Variants in CPEB2 observed in about 807,000 individuals in gnomAD.
The protein encoded by CPEB2 is cytoplasmic polyadenylation element binding protein 2.
In CPEB2, 56 loss-of-function variants were observed where a neutral mutation model predicts 93.6. The ratio of observed to expected loss-of-function variants is 0.60; its 90% CI spans 0.48 to 0.75. The LOEUF is 0.75. CPEB2 is among the 30% of genes least tolerant of loss of function. The pLI is 0.00. For synonymous variants in CPEB2, 764 were observed against 586.3 expected, an observed-to-expected ratio of 1.30 and a Z score of -4.38; for missense variants, 1,579 against 1,395.1, an observed-to-expected ratio of 1.13 and a Z score of -2.10.
chr4:15,040,548 G>A (rs1221954683), intron 6 of CPEB2, 61 bp downstream of exon 6: 1 of 1,382,688 alleles, frequency 7.2e-7, no homozygotes, highest in Non-Finnish European at 9.8e-7. Flanking sequence ...GATCAATGTT[G>A]TAATTAATTA....
intron 3 of CPEB2, among the ~76,000 whole-genome samples, chr4:15,016,395 T>G (rs1034651508): frequency 1.3e-5 from 2 of 151,796 alleles, no homozygotes; most frequent in African/African-American, 4.8e-5. Flanking sequence ...CATTAAAGAG[T>G]CAGATTCTTT....
chr4:15,031,145 C>T (rs1726050975), intron 4 of CPEB2, among the ~76,000 whole-genome samples: 1 of 152,004 alleles, frequency 6.6e-6, no homozygotes, highest in African/African-American at 2.4e-5. Context: ...TGTCTATCTC[C>T]CCTACCACAT....
At chr4:15,049,093 T>C (rs1001200614) in intron 6 of CPEB2, among the ~76,000 whole-genome samples, 4 of 152,096 alleles carry the variant, frequency 2.6e-5, no homozygotes, top group African/African-American at 4.8e-5. Flanking sequence ...CTTAAACTTT[T>C]CGTTACATTC....
At chr4:15,032,158 C>G (rs1038207762) in intron 4 of CPEB2, among the ~76,000 whole-genome samples, 3 of 152,136 alleles carry the variant, frequency 2.0e-5, no homozygotes, top group Non-Finnish European at 4.4e-5. Context: ...AGTGCATTGG[C>G]ACAGTCATAG....
Position 15,045,904 on chromosome 4 carries a change from G to A in CPEB2, c.2200+5417G>A, listed in dbSNP as rs138088678. Among the ~76,000 whole-genome samples, 9 of 152,194 alleles carry A rather than the reference G, an allele frequency of 5.9e-5. No individual in the cohort carries two copies. The East Asian group carries it at 1.7e-3, about 29-fold the overall frequency. On this transcript the variant is annotated intron_variant, in intron 6 of 11. Coordinates refer to ENST00000538197, the MANE Select transcript of CPEB2 (RefSeq NM_001177382.2). ...AGAGAAATGATTAGCTTTTTGTACG[G>A]AAATTGTATAGAAAGGAAATTACAA... is the stretch of plus-strand genomic sequence containing the variant.
rs116759549 is a variant in CPEB2 at position 15,063,352 on chromosome 4, C to G, written c.2877+1092C>G. ...AGGTTTTTTTTGTTTGTTTGCATTG[C>G]TACTTAAAAGGTTGCCAAAAAAAAA... On this transcript the variant is annotated intron_variant, in intron 11 of 11. Coordinates refer to ENST00000538197, the MANE Select transcript of CPEB2 (RefSeq NM_001177382.2). 6.9e-3 allele frequency among the ~76,000 whole-genome samples: 1,002 copies of G among 145,304 alleles called. 12 individuals carry two copies. Among genetic ancestry groups the G allele is most frequent in the African/African-American group, 0.026 (944 of 36,752 alleles).
chr4:15,065,854 A>G (rs1351196738), intron 11 of CPEB2, among the ~76,000 whole-genome samples: 1 of 152,054 alleles, frequency 6.6e-6, no homozygotes, highest in Non-Finnish European at 1.5e-5. Context: ...TTCCATGACT[A>G]CTTGATATCT....
chr4:15,017,532 T>A, intron 4 of CPEB2: 1 of 278,448 alleles, frequency 3.6e-6, no homozygotes, highest in Non-Finnish European at 6.7e-6. Context: ...CACCAGAGAA[T>A]GAAGGATGGA....
intron 3 of CPEB2, among the ~76,000 whole-genome samples, chr4:15,009,716 T>C (rs1266668306): frequency 6.6e-6 from 1 of 152,062 alleles, no homozygotes; most frequent in Admixed American, 6.6e-5. Flanking sequence ...AGGATACATA[T>C]ATAGGAGAAA....
Position 15,003,759 on chromosome 4 carries a change from A to G in CPEB2, c.1086A>G (p.Pro362=). 9.1e-7 allele frequency: 1 copy of G among 1,101,906 alleles called. No homozygotes were observed. The allele number at this position is 1,101,906 out of a possible 1,614,324, so 68.3% of individuals were successfully genotyped here. A position where few individuals can be genotyped will look rare whatever the true frequency, so the allele number is the denominator to read the frequency against. Reference sequence around the variant, plus strand: ...GCGGCGGCGGGGGCGGGGGGCCCCCAGGAGGCGGAGGGGGAGGCGGCTCCG... The same window carrying G: ...GCGGCGGCGGGGGCGGGGGGCCCCCGGGAGGCGGAGGGGGAGGCGGCTCCG... ...GGGGGGGGGP[P]GGGGGGGSAS... is the part of the protein sequence containing the mutation. The change falls in exon 1 of 12, where the codon CCA becomes CCG. Residue 362 remains proline (P), a synonymous_variant. Transcript: ENST00000538197.
chr4:15,012,146 G>A (rs1383198985), intron 3 of CPEB2, among the ~76,000 whole-genome samples: 2 of 152,176 alleles, frequency 1.3e-5, no homozygotes, highest in African/African-American at 2.4e-5. Flanking sequence ...ATGAACTTCA[G>A]GGACATTCAT....
chr4:15,010,854 G>A (rs1198793057), intron 3 of CPEB2, among the ~76,000 whole-genome samples: 7 of 152,022 alleles, frequency 4.6e-5, no homozygotes, highest in Non-Finnish European at 8.8e-5. Context: ...TGGATACCGC[G>A]GGCTTTACCT....
chr4:15,056,243 T>C (rs13144360), intron 8 of CPEB2, among the ~76,000 whole-genome samples: 64,036 of 151,978 alleles, frequency 0.42, 15,780 homozygotes, highest in Non-Finnish European at 0.56. Context: ...TTGGAATTAA[T>C]CTAAGGTATT....
chr4:15,035,563 A>G (rs1158308893), intron 5 of CPEB2, among the ~76,000 whole-genome samples: 2 of 152,186 alleles, frequency 1.3e-5, no homozygotes, highest in African/African-American at 2.4e-5. Flanking sequence ...GGATATGTCT[A>G]TGTTGGAGAA....
intron 4 of CPEB2, among the ~76,000 whole-genome samples, chr4:15,019,918 T>C (rs1295892740): frequency 6.6e-6 from 1 of 152,100 alleles, no homozygotes; most frequent in Non-Finnish European, 1.5e-5. Context: ...GGGAGCAGTT[T>C]AGCTGGTTAC....
chr4:15,052,530 G>C lies in CPEB2; in HGVS notation c.2317G>C (p.Glu773Gln). The C allele has an allele frequency of 6.3e-7, 1 of 1,583,260 alleles. No homozygotes were observed. Among genetic ancestry groups the C allele is most frequent in the African/African-American group, 1.3e-5 (1 of 74,282 alleles). Residue 773 changes from glutamate (E) to glutamine (Q), a missense_variant, in exon 7 of 12, where the codon GAA (glutamate) becomes CAA (glutamine). Physicochemically the swap from Glu to Gln is conservative, Grantham distance 29 (BLOSUM62 2). Coordinates refer to ENST00000538197, the MANE Select transcript of CPEB2 (RefSeq NM_001177382.2). The stretch of plus-strand genomic sequence containing the variant: ...AGCTCACCAAAATGGAGAGCGAATA[G>C]AACGCTTCTCTCGAAAAGTTTTTGT... ...YSAHQNGERI[E>Q]RFSRKVFVGG...
In CPEB2 at chr4:15,032,518, G is replaced by A. The variant is rs1207444951; in HGVS notation, c.2126-643G>A. 2.6e-5 allele frequency among the ~76,000 whole-genome samples: 4 copies of A among 152,030 alleles called. No homozygotes were observed. The East Asian group carries it at 7.7e-4, about 29-fold the overall frequency. On this transcript the variant is annotated intron_variant, in intron 4 of 11. Transcript: ENST00000538197. ...AATAAAAAACTTTCGAATGAAGAAT[G>A]ACTCAGAGGAAATACTATGCCACTA...
chr4:15,066,458 A>G lies in CPEB2; in HGVS notation c.*78A>G, dbSNP rs1553862514. ...ACTGTGTCTGAAGATACTGACATGC[A>G]GAAGAAATAAGTGCATTCTTCTGCT... On this transcript the variant is annotated 3_prime_UTR_variant, in exon 12 of 12. Coordinates refer to ENST00000538197, the MANE Select transcript of CPEB2 (RefSeq NM_001177382.2). 1 of 1,010,468 alleles carries G rather than the reference A, an allele frequency of 9.9e-7. No individual in the cohort carries two copies. The highest frequency in any genetic ancestry group is 1.5e-6 in the Non-Finnish European group (1 of 663,414). 62.6% of individuals were successfully genotyped at this position (1,010,468 alleles called of 1,614,324 possible).
At chr4:15,013,609 T>C (rs1204311980) in intron 3 of CPEB2, among the ~76,000 whole-genome samples, 2 of 152,046 alleles carry the variant, frequency 1.3e-5, no homozygotes, top group Non-Finnish European at 2.9e-5. Flanking sequence ...TTTGTTTCTG[T>C]TTTTTCAGAA....
Sources: gnomAD v4.1 joint callset for allele counts (sites outside exome capture counted in the v4.1 genomes callset) on GRCh38, gnomAD v4.1.1 for gene constraint, MANE v1.5 for transcripts, NCBI Gene and HGNC (gene_info 2026-07-23, HGNC 2026-07-21) for gene names.